PNKD: variants seen among roughly 807,000 people sequenced by gnomAD.
The protein encoded by PNKD is probable thioesterase PNKD.
A neutral mutation model predicts 45.3 loss-of-function variants in PNKD; 36 were observed. That is an observed-to-expected ratio of 0.80 (90% CI 0.61 to 1.05). PNKD has a LOEUF of 1.05. PNKD is among the 50% of genes least tolerant of loss of function. The probability of loss-of-function intolerance (pLI) is 0.00; values close to 1 mark genes in which losing one functional copy is unlikely to be tolerated. For synonymous variants in PNKD, 197 were observed against 210.1 expected, an observed-to-expected ratio of 0.94 and a Z score of 0.54; for missense variants, 511 against 506.6, an observed-to-expected ratio of 1.01 and a Z score of -0.08.
chr2:218,332,524 A>G (rs1414795245), intron 2 of PNKD, among the ~76,000 whole-genome samples: 1 of 152,058 alleles, frequency 6.6e-6, no homozygotes, highest in East Asian at 1.9e-4. Flanking sequence ...CTAGGTCCTC[A>G]GGCTGCTCTC....
chr2:218,299,497 T>G (rs1693220625), intron 2 of PNKD, among the ~76,000 whole-genome samples: 1 of 152,052 alleles, frequency 6.6e-6, no homozygotes, highest in Non-Finnish European at 1.5e-5. Context: ...CAGGCTGGAG[T>G]GCAGCGAAGC....
chr2:218,331,299 C>T (rs1039831899), intron 2 of PNKD, among the ~76,000 whole-genome samples: 4 of 151,604 alleles, frequency 2.6e-5, no homozygotes, highest in East Asian at 2.0e-4. Context: ...CCAGCTACTT[C>T]GGGAGGCTGA....
Position 218,326,034 on chromosome 2 carries a change from T to C in PNKD, c.237-13749T>C, listed in dbSNP as rs1426772438. ...TAGGGGGGAAATGGGCAGGTGTTGG[T>C]GCTAGGGGTGCCTCCAGGAAGGATG... On this transcript the variant is annotated intron_variant, in intron 2 of 9. Coordinates refer to ENST00000273077, the MANE Select transcript of PNKD (RefSeq NM_015488.5). This position sits in a 1 kb window ranked among gnomAD's most constrained non-coding sequence, Gnocchi z 4.1. Among the ~76,000 whole-genome samples the C allele has an allele frequency of 2.2e-5, 3 of 134,452 alleles. No homozygotes were observed. Among genetic ancestry groups the C allele is most frequent in the Admixed American group, 1.6e-4 (2 of 12,612 alleles). The allele number at this position is 134,452 out of a possible 152,430, so 88.2% of individuals were successfully genotyped here.
rs533841409 is a variant in PNKD at position 218,271,277 on chromosome 2, T to G, written c.68-104T>G. 6 of 959,268 alleles carry G rather than the reference T, an allele frequency of 6.3e-6. No homozygotes were observed. The South Asian group carries it at 7.8e-5, about 12-fold the overall frequency. 59.4% of individuals were successfully genotyped at this position (959,268 alleles called of 1,614,324 possible). On this transcript the variant is annotated intron_variant, in intron 1 of 9. Coordinates refer to ENST00000273077, the MANE Select transcript of PNKD (RefSeq NM_015488.5). ...TTACTTCAGACTGCAGTCACTCCCC[T>G]TCCCCAGATCTCAGCCGCTCCTCCC...
chr2:218,288,933 C>G (rs1184810513), intron 2 of PNKD, among the ~76,000 whole-genome samples: 1 of 152,128 alleles, frequency 6.6e-6, no homozygotes, highest in African/African-American at 2.4e-5. Context: ...TACCCTCATC[C>G]CACTCTATAG....
intron 2 of PNKD, among the ~76,000 whole-genome samples, chr2:218,315,091 T>TCC: frequency 1.6e-5 from 1 of 63,704 alleles, no homozygotes; most frequent in African/African-American, 4.5e-5. Flanking sequence ...TCTCTCTCTC[T>TCC]CTCTCCTTCC....
intron 2 of PNKD, among the ~76,000 whole-genome samples, chr2:218,283,841 G>A (rs568454635): frequency 1.5e-4 from 23 of 152,104 alleles, no homozygotes; most frequent in Non-Finnish European, 2.8e-4. Context: ...TAGAGGGGCT[G>A]GGATAGAACC....
chr2:218,310,006 G>A (rs942866984), intron 2 of PNKD, among the ~76,000 whole-genome samples: 2 of 151,876 alleles, frequency 1.3e-5, no homozygotes, highest in African/African-American at 2.4e-5. Context: ...CCAGAGCAGC[G>A]TGTAATTCCA....
At chr2:218,310,018 G>T (rs1373691536) in intron 2 of PNKD, among the ~76,000 whole-genome samples, 4 of 152,014 alleles carry the variant, frequency 2.6e-5, no homozygotes, top group Non-Finnish European at 5.9e-5. Flanking sequence ...GTAATTCCAG[G>T]ATTGGTTAAT....
chr2:218,302,180 C>G (rs1296659640), intron 2 of PNKD, among the ~76,000 whole-genome samples: 1 of 152,120 alleles, frequency 6.6e-6, no homozygotes, highest in Non-Finnish European at 1.5e-5. Flanking sequence ...AAACCTGTCT[C>G]TACTAAAAAT....
chr2:218,281,296 C>T (rs772769784), intron 2 of PNKD, among the ~76,000 whole-genome samples: 8 of 151,834 alleles, frequency 5.3e-5, no homozygotes, highest in Non-Finnish European at 7.4e-5. Context: ...CCACCACACC[C>T]GGCTAAGTTT....
At chr2:218,292,577 C>G (rs2106245272) in intron 2 of PNKD, 1 of 152,042 alleles carries the variant, frequency 6.6e-6, no homozygotes, top group East Asian at 1.9e-4. Flanking sequence ...GCGCCGGCCT[C>G]GTGGGGCGGG....
chr2:218,329,906 C>A (rs1190731996), intron 2 of PNKD, among the ~76,000 whole-genome samples: 3 of 152,240 alleles, frequency 2.0e-5, no homozygotes, highest in Non-Finnish European at 2.9e-5. Context: ...GGTCCCTCAG[C>A]TCTCAGACAG....
intron 2 of PNKD, among the ~76,000 whole-genome samples, chr2:218,309,629 A>G (rs972795530): frequency 1.3e-5 from 2 of 151,862 alleles, no homozygotes; most frequent in African/African-American, 4.8e-5. Context: ...TCTTGGCTGC[A>G]GGTGTCAGAA....
At chr2:218,273,647 AT>A (rs10607945) in intron 2 of PNKD, among the ~76,000 whole-genome samples, 436 of 143,418 alleles carry the variant, frequency 3.0e-3, no homozygotes, top group African/African-American at 6.6e-3. Flanking sequence ...CTCCCAGTTA[AT>A]TTTTTTTTTT....
intron 1 of PNKD, 133 bp downstream of exon 1, chr2:218,270,735 G>A: frequency 2.4e-6 from 1 of 422,624 alleles, no homozygotes; most frequent in Non-Finnish European, 4.3e-6. Flanking sequence ...GAGTCTGGGG[G>A]TGCAGAGATG....
intron 2 of PNKD, among the ~76,000 whole-genome samples, chr2:218,314,995 T>C (rs1050088867): frequency 6.6e-5 from 8 of 120,888 alleles, no homozygotes; most frequent in African/African-American, 2.7e-4. Flanking sequence ...CGCCTGAGGT[T>C]TTCTTTCTTT....
chr2:218,295,749 T>G lies in PNKD; in HGVS notation c.236+24200T>G, dbSNP rs143597563. 7.4e-3 allele frequency among the ~76,000 whole-genome samples: 1,128 copies of G among 151,514 alleles called. 13 individuals carry two copies. Among genetic ancestry groups the G allele is most frequent in the African/African-American group, 0.024 (1,000 of 41,320 alleles). ...ACCACCTAGAGGGAGTTTGGGAGGG[T>G]TGGGGAGGCTCTGGTGGTGCCCCTG... is the stretch of plus-strand genomic sequence containing the variant. On this transcript the variant is annotated intron_variant, in intron 2 of 9. Coordinates refer to ENST00000273077, the MANE Select transcript of PNKD (RefSeq NM_015488.5).
chr2:218,323,380 G>A (rs1694050818), intron 2 of PNKD: 1 of 1,578,502 alleles, frequency 6.3e-7, no homozygotes, highest in African/African-American at 1.4e-5. Context: ...GCGCGGCGGG[G>A]CCTCCGCGGT....
Sources: gnomAD v4.1 joint callset for allele counts (sites outside exome capture counted in the v4.1 genomes callset) on GRCh38, gnomAD v4.1.1 for gene constraint, Gnocchi (gnomAD v3.1) non-coding constraint, MANE v1.5 for transcripts, NCBI Gene and HGNC (gene_info 2026-07-23, HGNC 2026-07-21) for gene names.